SEL1L2: variants seen among roughly 807,000 people sequenced by gnomAD.
SEL1L2 encodes protein sel-1 homolog 2.
In SEL1L2, 89 loss-of-function variants were observed where a neutral mutation model predicts 98.8. The ratio of observed to expected loss-of-function variants is 0.90; its 90% CI spans 0.76 to 1.07. The LOEUF is 1.07. SEL1L2 is among the 50% of genes least tolerant of loss of function. The pLI is 0.00. For missense variants in SEL1L2, 788 were observed against 812.0 expected (o/e 0.97, Z 0.36); for synonymous variants, 262 against 278.5 (o/e 0.94, Z 0.59).
At chr20:13,858,554 A>G (rs1319622335) in intron 18 of SEL1L2, among the ~76,000 whole-genome samples, 3 of 152,218 alleles carry the variant, frequency 2.0e-5, no homozygotes. Context: ...ACAGAAACGC[A>G]TAGCCCACTT....
intron 5 of SEL1L2, among the ~76,000 whole-genome samples, chr20:13,910,021 G>T (rs1207550007): frequency 6.6e-6 from 1 of 152,092 alleles, no homozygotes; most frequent in African/African-American, 2.4e-5. Flanking sequence ...CAACAAACCG[G>T]TTCAGCTGAA....
intron 2 of SEL1L2, among the ~76,000 whole-genome samples, chr20:13,955,741 GC>G (rs910138958): frequency 6.6e-6 from 1 of 152,136 alleles, no homozygotes; most frequent in Non-Finnish European, 1.5e-5. Context: ...GACTTTATAA[GC>G]CAGGTGGGTC....
At chr20:13,863,296 A>G (rs1990467009) in intron 17 of SEL1L2, among the ~76,000 whole-genome samples, 1 of 152,200 alleles carries the variant, frequency 6.6e-6, no homozygotes, top group Non-Finnish European at 1.5e-5. Flanking sequence ...GGATCCCTGA[A>G]GCCTCTAAGA....
At position 13,866,837 on chromosome 20, in the gene SEL1L2, T is replaced by C. The variant is rs1011973895; in HGVS notation, c.1269A>G (p.Ile423Met). The stretch of plus-strand genomic sequence containing the variant: ...TGAAGGCAAGTTTATAATCCTTCCA[T>C]ATTCCAGAGCCAGCTGAAAATTAAA... ...LGFMYYSGSG[I>M]WKDYKLAFKY... Residue 423 changes from isoleucine to methionine, a missense_variant, in exon 15 of 20, where the codon ATA (isoleucine) becomes ATG (methionine). By Grantham distance (10) the Ile-to-Met change is conservative. Transcript: ENST00000284951. 3.1e-6 allele frequency: 5 copies of C among 1,608,580 alleles called. No homozygotes were observed. In the African/African-American group the frequency reaches 4.0e-5, roughly 13 times the overall value.
At chr20:13,864,958 T>C (rs1386216344) in intron 17 of SEL1L2, among the ~76,000 whole-genome samples, 2 of 152,196 alleles carry the variant, frequency 1.3e-5, no homozygotes, top group Admixed American at 6.6e-5. Context: ...GCTTGCTGAA[T>C]CAGGGACCTT....
chr20:13,942,259 G>T (rs2049815409), intron 2 of SEL1L2, among the ~76,000 whole-genome samples: 2 of 152,174 alleles, frequency 1.3e-5, no homozygotes, highest in Admixed American at 6.5e-5. Flanking sequence ...ATGTATAGAT[G>T]CAGATTCCAT....
chr20:13,862,486 T>C (rs1031308706), intron 17 of SEL1L2, among the ~76,000 whole-genome samples: 12 of 152,134 alleles, frequency 7.9e-5, no homozygotes, highest in Non-Finnish European at 1.5e-5. Context: ...TTAAGTGATA[T>C]AGGACTCCTT....
intron 3 of SEL1L2, among the ~76,000 whole-genome samples, chr20:13,919,443 G>A (rs1292718448): frequency 6.6e-6 from 1 of 152,182 alleles, no homozygotes; most frequent in Non-Finnish European, 1.5e-5. Flanking sequence ...CGATCAGAAG[G>A]CAGGAGATGC....
chr20:13,907,766 CT>C (rs1406897129), intron 5 of SEL1L2, among the ~76,000 whole-genome samples: 138 of 94,736 alleles, frequency 1.5e-3, no homozygotes, highest in African/African-American at 5.1e-3. Context: ...CTTTTCTTTT[CT>C]TTTTTTTTCT....
intron 2 of SEL1L2, among the ~76,000 whole-genome samples, chr20:13,935,121 T>C (rs767625675): frequency 1.3e-5 from 2 of 152,244 alleles, no homozygotes; most frequent in Non-Finnish European, 2.9e-5. Flanking sequence ...TCAGTGTTTC[T>C]TGACTTTGGG....
At chr20:13,963,079 AGAG>A in intron 1 of SEL1L2, among the ~76,000 whole-genome samples, 2 of 127,870 alleles carry the variant, frequency 1.6e-5, no homozygotes, top group Non-Finnish European at 3.3e-5. Context: ...AAAAAAAAGA[AGAG>A]GAAGAAGAAG....
At chr20:13,964,436 G>T in intron 1 of SEL1L2, among the ~76,000 whole-genome samples, 1 of 115,546 alleles carries the variant, frequency 8.7e-6, no homozygotes, top group Non-Finnish European at 1.7e-5. Flanking sequence ...TCTGCTATCT[G>T]CTATCTCTTC....
chr20:13,989,667 C>T (rs1019384982), intron 1 of SEL1L2, among the ~76,000 whole-genome samples: 1 of 152,150 alleles, frequency 6.6e-6, no homozygotes, highest in Non-Finnish European at 1.5e-5. Context: ...ATTTTTATCA[C>T]AAAGCCTGTT....
At position 13,919,031 on chromosome 20, in the gene SEL1L2, G is replaced by GT; in HGVS notation, c.375dup (p.Gln126ThrfsTer14). 2 of 1,608,402 alleles carry GT rather than the reference G, an allele frequency of 1.2e-6. No homozygotes were observed. Among genetic ancestry groups the GT allele is most frequent in the Non-Finnish European group, 1.7e-6 (2 of 1,177,010 alleles). On this transcript the variant is annotated frameshift_variant, in exon 4 of 20. Coordinates refer to ENST00000284951, the MANE Select transcript of SEL1L2 (RefSeq NM_025229.2). LOFTEE classifies it high-confidence loss of function. ...TGGATAAAGACTTACTCTTCTTTTT[G>GT]TTTTTGGCTTTTAGACTGCTGGAGA...
intron 1 of SEL1L2, among the ~76,000 whole-genome samples, chr20:13,967,497 A>G (rs999750027): frequency 2.0e-5 from 3 of 152,198 alleles, no homozygotes; most frequent in Non-Finnish European, 2.9e-5. Context: ...TCTGGTTATA[A>G]TATCTCAACT....
rs11467978 is a variant in SEL1L2, at chr20:13,865,831, C to CTGTGTGTGTGTG, written c.1405-329_1405-318dup. ...AAGAATGTATCGCTAGTGTGTGTGT[C>CTGTGTGTGTGTG]TGTGTGTGTGTGTGTGTGTGTGTGT... On this transcript the variant is annotated intron_variant, in intron 15 of 19. Coordinates refer to ENST00000284951, the MANE Select transcript of SEL1L2 (RefSeq NM_025229.2). Among the ~76,000 whole-genome samples, 424 of 150,048 alleles carry CTGTGTGTGTGTG rather than the reference C, an allele frequency of 2.8e-3. 2 individuals are homozygous for CTGTGTGTGTGTG. The highest frequency in any genetic ancestry group is 7.7e-3 in the African/African-American group (312 of 40,732).
At chr20:13,994,917 C>G (rs2052605620), upstream of SEL1L2, 1 of 152,228 alleles carries the variant, frequency 6.6e-6, no homozygotes, top group South Asian at 2.1e-4. Flanking sequence ...GTAATTTTCA[C>G]TACAGGTTTG....
At chr20:13,919,145 A>G (rs1202238386) in intron 3 of SEL1L2, 22 bp from the exon 4 acceptor site, 5 of 1,326,996 alleles carry the variant, frequency 3.8e-6, no homozygotes, top group Non-Finnish European at 5.3e-6. Context: ...CAAACAAAAA[A>G]TAAAAACAAT....
intron 2 of SEL1L2, among the ~76,000 whole-genome samples, chr20:13,935,753 T>C (rs1420284058): frequency 6.6e-6 from 1 of 152,146 alleles, no homozygotes; most frequent in African/African-American, 2.4e-5. Flanking sequence ...TGATATTAAC[T>C]GAATTAAATT....
Sources: gnomAD v4.1 joint callset for allele counts (sites outside exome capture counted in the v4.1 genomes callset) on GRCh38, gnomAD v4.1.1 for gene constraint, MANE v1.5 for transcripts, NCBI Gene and HGNC (gene_info 2026-07-23, HGNC 2026-07-21) for gene names.